Variants in FARSB observed in about 807,000 individuals in gnomAD.
FARSB encodes phenylalanyl-tRNA synthetase subunit beta.
A neutral mutation model predicts 69.6 loss-of-function variants in FARSB; 40 were observed. The observed-to-expected ratio is 0.57, with a 90% confidence interval of 0.45 to 0.75. FARSB has a LOEUF of 0.75. Among genes scored for constraint, FARSB ranks in the 30% least tolerant of loss-of-function variants. The pLI is 0.00. For synonymous variants in FARSB, 235 were observed against 247.2 expected (o/e 0.95, Z 0.46); for missense variants, 632 against 722.9 (o/e 0.87, Z 1.44).
intron 16 of FARSB, among the ~76,000 whole-genome samples, chr2:222,581,798 G>A (rs1689975268): frequency 6.6e-6 from 1 of 152,184 alleles, no homozygotes; most frequent in African/African-American, 2.4e-5. Context: ...TCACAGAAAA[G>A]GAAATAAAAA....
intron 13 of FARSB, among the ~76,000 whole-genome samples, chr2:222,621,070 G>A (rs1416066564): frequency 2.0e-5 from 3 of 152,200 alleles, no homozygotes; most frequent in Non-Finnish European, 2.9e-5. Flanking sequence ...TAGGTATAAT[G>A]TGACTGATTA....
chr2:222,593,566 C>T (rs1015954303), intron 16 of FARSB, among the ~76,000 whole-genome samples: 2 of 152,084 alleles, frequency 1.3e-5, no homozygotes, highest in Non-Finnish European at 2.9e-5. Context: ...GGTTATTTAA[C>T]ACATCATTAG....
At chr2:222,610,084 G>A (rs1690806975) in intron 15 of FARSB, among the ~76,000 whole-genome samples, 2 of 152,146 alleles carry the variant, frequency 1.3e-5, no homozygotes, top group African/African-American at 4.8e-5. Context: ...CTTAAGACTG[G>A]CAACTCTTTC....
At chr2:222,626,371 GTTCTC>G (rs1691276365) in intron 10 of FARSB, among the ~76,000 whole-genome samples, 3 of 151,108 alleles carry the variant, frequency 2.0e-5, no homozygotes, top group African/African-American at 7.3e-5. Context: ...ATCTCCCCTA[GTTCTC>G]TTATTTTAAA....
chr2:222,616,102 T>C (rs181540774), intron 14 of FARSB, among the ~76,000 whole-genome samples: 149 of 152,250 alleles, frequency 9.8e-4, no homozygotes, highest in Non-Finnish European at 1.5e-3. Flanking sequence ...TAGGGGGCCA[T>C]TGGAACATAT....
At chr2:222,655,491 C>T (rs952564676) in intron 1 of FARSB, among the ~76,000 whole-genome samples, 26 of 152,312 alleles carry the variant, frequency 1.7e-4, no homozygotes, top group African/African-American at 6.3e-4. Context: ...CTCCATCAGA[C>T]AGAACGTGGA....
chr2:222,628,919 A>C (rs1173880778), intron 9 of FARSB, 31 bp from the exon 10 acceptor site: 2 of 1,568,726 alleles, frequency 1.3e-6, no homozygotes, highest in South Asian at 2.2e-5. Context: ...TAAAATACTT[A>C]AGAAAAAAAT....
intron 16 of FARSB, 137 bp downstream of exon 16, chr2:222,599,791 A>G: frequency 1.5e-6 from 1 of 685,196 alleles, no homozygotes; most frequent in East Asian, 2.7e-5. Flanking sequence ...TTTTCTGGAT[A>G]ATATTGACAA....
chr2:222,642,124 CT>C (rs1262655337), intron 3 of FARSB, among the ~76,000 whole-genome samples: 2 of 151,996 alleles, frequency 1.3e-5, no homozygotes, highest in Non-Finnish European at 2.9e-5. Context: ...CCTCAGCCTC[CT>C]GAGTAGCTGG....
In FARSB at chr2:222,600,262, A is replaced by G. The variant is rs112758642; in HGVS notation, c.1463-179T>C. On this transcript the variant is annotated intron_variant, in intron 15 of 16. Transcript: ENST00000281828. ...AAAATAGTCTTTTTTCAGCTCATCA[A>G]ATTCCCTAAGGTGTTTTATTTGGGG... 3.4e-3 allele frequency among the ~76,000 whole-genome samples: 521 copies of G among 152,296 alleles called. 5 individuals are homozygous for G. The highest frequency in any genetic ancestry group is 0.012 in the African/African-American group (488 of 41,562).
intron 10 of FARSB, among the ~76,000 whole-genome samples, chr2:222,628,269 A>G (rs1466201874): frequency 6.6e-6 from 1 of 152,186 alleles, no homozygotes; most frequent in African/African-American, 2.4e-5. Flanking sequence ...ACGACAATTT[A>G]TTGTATATTT....
At chr2:222,586,438 A>C (rs1406855865) in intron 16 of FARSB, among the ~76,000 whole-genome samples, 1 of 152,214 alleles carries the variant, frequency 6.6e-6, no homozygotes, top group South Asian at 2.1e-4. Flanking sequence ...GATGTTAGGA[A>C]TAAACTGCAT....
At chr2:222,628,000 C>T (rs1026080196) in intron 10 of FARSB, among the ~76,000 whole-genome samples, 5 of 152,190 alleles carry the variant, frequency 3.3e-5, no homozygotes, top group African/African-American at 9.7e-5. Flanking sequence ...GGGGACAAAA[C>T]CACCCAAGAA....
intron 1 of FARSB, among the ~76,000 whole-genome samples, chr2:222,649,119 G>A (rs1159565699): frequency 6.6e-6 from 1 of 151,790 alleles, no homozygotes; most frequent in African/African-American, 2.4e-5. Flanking sequence ...CCAGCTACTT[G>A]GGAGGCTGAG....
At position 222,571,606 on chromosome 2, in the gene FARSB, T is replaced by G. The variant is rs1474576765; in HGVS notation, c.*265A>C. ...CACGTCTGCCTTTCAGAACAGATCC[T>G]GCACTCTGCTAGTGCATTTCTCCAG... On this transcript the variant is annotated 3_prime_UTR_variant, in exon 17 of 17. Coordinates refer to ENST00000281828, the MANE Select transcript of FARSB (RefSeq NM_005687.5). The G allele has an allele frequency of 3.0e-6, 1 of 328,852 alleles. No individual in the cohort carries two copies. Among genetic ancestry groups the G allele is most frequent in the African/African-American group, 2.1e-5 (1 of 46,518 alleles). 20.4% of individuals were successfully genotyped at this position (328,852 alleles called of 1,614,324 possible). A position where few individuals can be genotyped will look rare whatever the true frequency, so the allele number is the denominator to read the frequency against.
intron 1 of FARSB, among the ~76,000 whole-genome samples, chr2:222,649,855 T>C (rs1691985106): frequency 6.6e-6 from 1 of 152,226 alleles, no homozygotes; most frequent in Admixed American, 6.5e-5. Flanking sequence ...TCATTAGCAG[T>C]ATATTCTAGC....
chr2:222,634,861 T>C (rs894801779), intron 5 of FARSB, among the ~76,000 whole-genome samples: 1 of 152,218 alleles, frequency 6.6e-6, no homozygotes, highest in Non-Finnish European at 1.5e-5. Context: ...TCTTCAAAGT[T>C]AGCATTTCCT....
chr2:222,577,079 T>C (rs979451949), intron 16 of FARSB, among the ~76,000 whole-genome samples: 5 of 151,872 alleles, frequency 3.3e-5, no homozygotes, highest in East Asian at 1.9e-4. Context: ...TTAGAGCTTA[T>C]AAAAGGAAAG....
At chr2:222,605,193 CTG>C (rs1559199379) in intron 15 of FARSB, among the ~76,000 whole-genome samples, 9 of 151,720 alleles carry the variant, frequency 5.9e-5, no homozygotes, top group Non-Finnish European at 7.4e-5. Context: ...CTCTCTCTCT[CTG>C]TGTCTCCCTT....
Sources: allele counts gnomAD v4.1 joint callset (sites outside exome capture counted in the v4.1 genomes callset), GRCh38; gene constraint gnomAD v4.1.1; transcripts MANE v1.5; gene names NCBI Gene and HGNC (gene_info 2026-07-23, HGNC 2026-07-21).